Variants in IFT56 observed in about 807,000 individuals in gnomAD.
IFT56 encodes the protein intraflagellar transport protein 56.
At chr7:139,179,060 A>G in the IFT56 span, among the ~76,000 whole-genome samples, 1 of 152,164 alleles carries the variant, frequency 6.6e-6, no homozygotes, top group South Asian at 2.1e-4. Context: ...TTTGATTTCT[A>G]ACTTAATTGT....
At chr7:139,161,680 A>G in the IFT56 span, among the ~76,000 whole-genome samples, 9 of 152,268 alleles carry the variant, frequency 5.9e-5, no homozygotes, top group East Asian at 1.2e-3. Flanking sequence ...TGTAGTACCA[A>G]TTCTTCCAGT....
chr7:139,164,482 A>C, the IFT56 span, among the ~76,000 whole-genome samples: 1 of 152,208 alleles, frequency 6.6e-6, no homozygotes. Context: ...TTATGCTTTT[A>C]TTCTATTTCT....
At chr7:139,158,690 G>T in the IFT56 span, among the ~76,000 whole-genome samples, 1 of 152,138 alleles carries the variant, frequency 6.6e-6, no homozygotes, top group East Asian at 1.9e-4. Flanking sequence ...GAGATAGGCG[G>T]ATCATTTGAG....
the IFT56 span, among the ~76,000 whole-genome samples, chr7:139,171,816 T>C: frequency 6.6e-6 from 1 of 152,210 alleles, no homozygotes; most frequent in African/African-American, 2.4e-5. Flanking sequence ...CTTGTTTTTG[T>C]TTTCTTTCAA....
At chr7:139,175,106 A>G in the IFT56 span, among the ~76,000 whole-genome samples, 1 of 152,282 alleles carries the variant, frequency 6.6e-6, no homozygotes, top group Non-Finnish European at 1.5e-5. Context: ...TGATCATCAG[A>G]GAAATGCAAA....
chr7:139,158,249 G>T, the IFT56 span, among the ~76,000 whole-genome samples: 1 of 145,706 alleles, frequency 6.9e-6, no homozygotes, highest in Non-Finnish European at 1.5e-5. Flanking sequence ...GGGAGGCAGA[G>T]GTTGCAGTGA....
the IFT56 span, chr7:139,181,242 C>T: frequency 7.0e-7 from 1 of 1,420,448 alleles, no homozygotes; most frequent in Non-Finnish European, 9.8e-7. Flanking sequence ...GATTCATTAT[C>T]ACATTGCTGC....
chr7:139,178,695 T>A, the IFT56 span: 1 of 1,105,342 alleles, frequency 9.0e-7, no homozygotes, highest in Non-Finnish European at 1.3e-6. Context: ...TAAGGATTAT[T>A]AAAGATTCCT....
the IFT56 span, chr7:139,173,999 T>G: frequency 5.9e-5 from 37 of 625,690 alleles, no homozygotes; most frequent in African/African-American, 6.1e-4. Context: ...TTTCATCATT[T>G]TCATCTTTTT....
the IFT56 span, among the ~76,000 whole-genome samples, chr7:139,169,671 G>T: frequency 6.6e-6 from 1 of 152,054 alleles, no homozygotes; most frequent in Non-Finnish European, 1.5e-5. Context: ...ATTCTGGTAG[G>T]TCATTTGCCT....
chr7:139,162,587 A>G, the IFT56 span, among the ~76,000 whole-genome samples: 1 of 152,320 alleles, frequency 6.6e-6, no homozygotes, highest in East Asian at 1.9e-4. Flanking sequence ...AAGTTCTACC[A>G]TGTACTAGTT....
chr7:139,141,318 C>T, the IFT56 span, among the ~76,000 whole-genome samples: 1 of 151,820 alleles, frequency 6.6e-6, no homozygotes, highest in East Asian at 1.9e-4. Flanking sequence ...AGTGGCTATT[C>T]ATAGGTGTGA....
the IFT56 span, among the ~76,000 whole-genome samples, chr7:139,136,205 G>A: frequency 1.3e-5 from 2 of 152,072 alleles, no homozygotes; most frequent in Non-Finnish European, 2.9e-5. Context: ...GATTACAGGT[G>A]TGGGCCACCG....
At chr7:139,178,713 T>A in the IFT56 span, 1 of 908,428 alleles carries the variant, frequency 1.1e-6, no homozygotes, top group Non-Finnish European at 1.7e-6. Context: ...CCTCTGTTCT[T>A]AGGATGCATG....
At chr7:139,134,742 G>A in the IFT56 span, 1 of 1,613,992 alleles carries the variant, frequency 6.2e-7, no homozygotes, top group Non-Finnish European at 8.5e-7. Context: ...TCCAAAACTA[G>A]AGGAGCTACT....
At chr7:139,137,603 A>G in the IFT56 span, among the ~76,000 whole-genome samples, 4 of 152,246 alleles carry the variant, frequency 2.6e-5, no homozygotes, top group Non-Finnish European at 4.4e-5. Flanking sequence ...AGGCAACTCA[A>G]ATACTTTCTG....
At chr7:139,187,543 A>G in the IFT56 span, 1 of 1,614,110 alleles carries the variant, frequency 6.2e-7, no homozygotes, top group Non-Finnish European at 8.5e-7. Context: ...AACCCAAGTA[A>G]GTAAACAGGC....
chr7:139,150,660 A>T, the IFT56 span, among the ~76,000 whole-genome samples: 1 of 152,238 alleles, frequency 6.6e-6, no homozygotes, highest in Non-Finnish European at 1.5e-5. Flanking sequence ...TATAATTTTA[A>T]TAAACTATTT....
chr7:139,145,810 G>A, the IFT56 span, among the ~76,000 whole-genome samples: 42 of 152,034 alleles, frequency 2.8e-4, no homozygotes, highest in Non-Finnish European at 5.3e-4. Context: ...TATTAGTAGT[G>A]AAAGTCTTTG....
Sources: allele counts gnomAD v4.1 joint callset (sites outside exome capture counted in the v4.1 genomes callset), GRCh38; gene constraint gnomAD v4.1.1; transcripts MANE v1.5; gene names NCBI Gene and HGNC (gene_info 2026-07-23, HGNC 2026-07-21).